Variants in PTCHD4 observed in about 807,000 individuals in gnomAD.
The protein encoded by PTCHD4 is patched domain-containing protein 4.
PTCHD4 carries 33 observed loss-of-function variants against 58.1 expected under a neutral mutation model. The ratio of observed to expected loss-of-function variants is 0.57; its 90% CI spans 0.43 to 0.76. The LOEUF is 0.76. Among genes scored for constraint, PTCHD4 ranks in the 30% least tolerant of loss-of-function variants. The pLI is 0.00. For missense variants in PTCHD4, 1,058 were observed against 1,027.1 expected, an observed-to-expected ratio of 1.03 and a Z score of -0.41; for synonymous variants, 478 against 409.6, an observed-to-expected ratio of 1.17 and a Z score of -2.02.
At chr6:47,895,280 G>A (rs1764499246) in intron 4 of PTCHD4, among the ~76,000 whole-genome samples, 1 of 152,098 alleles carries the variant, frequency 6.6e-6, no homozygotes, top group African/African-American at 2.4e-5. Flanking sequence ...ATGATCTGAA[G>A]GTTTCTAAAC....
At chr6:47,993,412 T>A (rs1393982781) in intron 4 of PTCHD4, among the ~76,000 whole-genome samples, 2 of 152,216 alleles carry the variant, frequency 1.3e-5, no homozygotes, top group South Asian at 2.1e-4. Context: ...CCTCAAGACT[T>A]CCACTTGGAG....
At chr6:47,961,651 C>T (rs1767098128) in intron 4 of PTCHD4, among the ~76,000 whole-genome samples, 1 of 152,044 alleles carries the variant, frequency 6.6e-6, no homozygotes, top group African/African-American at 2.4e-5. Flanking sequence ...AGGTCATTTA[C>T]TAATCATTCC....
Position 47,879,882 on chromosome 6 carries a change from T to C in PTCHD4, c.953A>G (p.Glu318Gly). ...ELLSGWRRTK[E>G]NLPFKDRIAD... ...TATCCTGTCTTTGAAGGGCAAGTTC[T>C]CTTTGGTTCTCCGCCATCCGGACAG... The change falls in exon 5 of 5, where the codon GAG becomes GGG. Residue 318 changes from glutamate to glycine, a missense_variant. By Grantham distance (98) the Glu-to-Gly change is moderately conservative (BLOSUM62 -2). Transcript: ENST00000339488. 1.3e-6 allele frequency: 2 copies of C among 1,590,386 alleles called. No individual in the cohort carries two copies. Among genetic ancestry groups the C allele is most frequent in the Non-Finnish European group, 1.7e-6 (2 of 1,167,632 alleles).
At chr6:48,044,530 G>A (rs1221394810) in intron 3 of PTCHD4, among the ~76,000 whole-genome samples, 1 of 151,788 alleles carries the variant, frequency 6.6e-6, no homozygotes, top group African/African-American at 2.4e-5. Context: ...ATGATTGAGT[G>A]ACACTGTGTT....
At chr6:48,000,391 T>C (rs1768676524) in intron 4 of PTCHD4, among the ~76,000 whole-genome samples, 1 of 152,186 alleles carries the variant, frequency 6.6e-6, no homozygotes, top group Admixed American at 6.5e-5. Flanking sequence ...ACCTACTTAA[T>C]TCTTCTACCC....
chr6:47,970,529 A>AG (rs1224050176), intron 4 of PTCHD4, among the ~76,000 whole-genome samples: 4 of 152,186 alleles, frequency 2.6e-5, no homozygotes, highest in African/African-American at 9.6e-5. Context: ...TCTTCTTAAG[A>AG]GGCAGTTAGA....
chr6:47,905,273 G>T (rs779522450), intron 4 of PTCHD4, among the ~76,000 whole-genome samples: 46 of 152,084 alleles, frequency 3.0e-4, no homozygotes, highest in Non-Finnish European at 1.0e-4. Flanking sequence ...ATACCACTCT[G>T]GCTGCAGTAA....
At position 47,872,215 on chromosome 6, in the gene PTCHD4, A is replaced by T. The variant is rs1368234906; in HGVS notation, c.*6088T>A. Among the ~76,000 whole-genome samples the T allele has an allele frequency of 2.0e-5, 3 of 151,706 alleles. No homozygotes were observed. Among genetic ancestry groups the T allele is most frequent in the African/African-American group, 7.2e-5 (3 of 41,380 alleles). ...CTGAGAATATAAGTTAAATTTATAT[A>T]GCACTGAAAAGTTATACATTTTTAT... On this transcript the variant is annotated 3_prime_UTR_variant, in exon 5 of 5. Transcript: ENST00000339488.
intron 1 of PTCHD4, among the ~76,000 whole-genome samples, chr6:48,091,961 G>A (rs1765374130): frequency 6.6e-6 from 1 of 151,590 alleles, no homozygotes; most frequent in Admixed American, 6.6e-5. Flanking sequence ...TATTTTCTAA[G>A]ATGCCCAGAT....
intron 4 of PTCHD4, chr6:47,890,792 C>T: frequency 1.8e-6 from 1 of 567,274 alleles, no homozygotes; most frequent in Non-Finnish European, 2.2e-6. Flanking sequence ...TGAAGCACCA[C>T]TGCAGAGCCA....
chr6:47,995,842 A>G (rs1768465824), intron 4 of PTCHD4, among the ~76,000 whole-genome samples: 1 of 152,196 alleles, frequency 6.6e-6, no homozygotes, highest in Non-Finnish European at 1.5e-5. Context: ...AAAATATTTG[A>G]TGGACGTGCA....
intron 3 of PTCHD4, among the ~76,000 whole-genome samples, chr6:48,047,686 C>G (rs982007306): frequency 1.3e-5 from 2 of 151,656 alleles, no homozygotes; most frequent in Non-Finnish European, 2.9e-5. Flanking sequence ...GGAGTCCTCA[C>G]AAATGAGATT....
intron 3 of PTCHD4, among the ~76,000 whole-genome samples, chr6:48,013,064 G>T (rs1015011433): frequency 6.6e-6 from 1 of 152,060 alleles, no homozygotes; most frequent in Admixed American, 6.6e-5. Context: ...GCCAGGTTTT[G>T]GTATCAGGAT....
intron 1 of PTCHD4, among the ~76,000 whole-genome samples, chr6:48,109,102 A>T (rs948858077): frequency 3.3e-5 from 5 of 152,262 alleles, no homozygotes; most frequent in Admixed American, 2.6e-4. Context: ...CAAACTAAAA[A>T]CAACTAAAAA....
In PTCHD4 at chr6:47,873,526, A is replaced by T. The variant is rs143208516; in HGVS notation, c.*4777T>A. ...ATTTACTGCTGCTATACCCATACAC[A>T]GTCCCTCCCCTGCTGGATCTCATGC... On this transcript the variant is annotated 3_prime_UTR_variant, in exon 5 of 5. Transcript: ENST00000339488. Among the ~76,000 whole-genome samples, 245 of 151,832 alleles carry T rather than the reference A, an allele frequency of 1.6e-3. No individual in the cohort carries two copies. Among genetic ancestry groups the T allele is most frequent in the African/African-American group, 5.1e-3 (210 of 41,506 alleles).
At chr6:48,028,286 G>T (rs1039832882) in intron 3 of PTCHD4, among the ~76,000 whole-genome samples, 1 of 151,706 alleles carries the variant, frequency 6.6e-6, no homozygotes, top group African/African-American at 2.4e-5. Context: ...AAATATATGA[G>T]GTATGAAAGG....
At chr6:48,087,237 T>C (rs1562044888) in intron 1 of PTCHD4, among the ~76,000 whole-genome samples, 2 of 152,196 alleles carry the variant, frequency 1.3e-5, no homozygotes, top group Non-Finnish European at 2.9e-5. Flanking sequence ...TCAGTTTTTT[T>C]CTCCTCTGGT....
At chr6:48,040,808 G>A (rs1165903935) in intron 3 of PTCHD4, among the ~76,000 whole-genome samples, 1 of 151,990 alleles carries the variant, frequency 6.6e-6, no homozygotes, top group African/African-American at 2.4e-5. Context: ...AAGACTAGAA[G>A]CCAACTAGAA....
intron 4 of PTCHD4, chr6:47,890,756 T>A (rs1023832727): frequency 2.1e-5 from 6 of 285,966 alleles, no homozygotes; most frequent in Non-Finnish European, 3.1e-5. Context: ...CTTTCCTTGC[T>A]GCAGGGCCTT....
Sources: gnomAD v4.1 joint callset for allele counts (sites outside exome capture counted in the v4.1 genomes callset) on GRCh38, gnomAD v4.1.1 for gene constraint, MANE v1.5 for transcripts, NCBI Gene and HGNC (gene_info 2026-07-23, HGNC 2026-07-21) for gene names.